The following CC2D2A variants were observed in gnomAD, a reference collection of about 807,000 sequenced individuals.
CC2D2A encodes the protein coiled-coil and C2 domain-containing protein 2A.
A neutral mutation model predicts 212.9 loss-of-function variants in CC2D2A; 155 were observed. The observed-to-expected ratio is 0.73, with a 90% confidence interval of 0.64 to 0.83. The LOEUF (loss-of-function observed/expected upper bound fraction) is 0.83. CC2D2A is among the 40% of genes least tolerant of loss of function. The pLI is 0.00. For missense variants in CC2D2A, 1,856 were observed against 1,956.2 expected, an observed-to-expected ratio of 0.95 and a Z score of 0.97; for synonymous variants, 667 against 686.5, an observed-to-expected ratio of 0.97 and a Z score of 0.44.
intron 13 of CC2D2A, among the ~76,000 whole-genome samples, chr4:15,529,855 TAG>T (rs1209208851): frequency 2.7e-5 from 4 of 149,290 alleles, no homozygotes; most frequent in African/African-American, 9.7e-5. Context: ...TTTATTTATT[TAG>T]GTCTTTTTAT....
chr4:15,576,116 C>T (rs1418139286), intron 29 of CC2D2A, among the ~76,000 whole-genome samples: 1 of 152,198 alleles, frequency 6.6e-6, no homozygotes, highest in African/African-American at 2.4e-5. Context: ...GTCACTACCG[C>T]ACTGTGGCTG....
intron 11 of CC2D2A, among the ~76,000 whole-genome samples, chr4:15,521,191 A>G (rs559656832): frequency 6.6e-6 from 1 of 152,320 alleles, no homozygotes; most frequent in Admixed American, 6.5e-5. Flanking sequence ...AATGTCTTAG[A>G]CTGCACAAGA....
At chr4:15,574,027 G>C in intron 28 of CC2D2A, 123 bp from the exon 29 acceptor site, 1 of 711,338 alleles carries the variant, frequency 1.4e-6, no homozygotes, top group Non-Finnish European at 2.3e-6. Context: ...GATGGGATTG[G>C]CTTTGAATGC....
At chr4:15,549,511 A>G (rs2109048487) in intron 17 of CC2D2A, among the ~76,000 whole-genome samples, 1 of 152,298 alleles carries the variant, frequency 6.6e-6, no homozygotes, top group Admixed American at 6.5e-5. Context: ...TCACCACTTC[A>G]TCCTCACTCC....
At chr4:15,533,136 C>A (rs1255562864) in intron 13 of CC2D2A, 57 bp from the exon 14 acceptor site, 8 of 1,440,920 alleles carry the variant, frequency 5.6e-6, no homozygotes, top group Non-Finnish European at 7.5e-6. Context: ...TTATTAATTT[C>A]TTTTGCAAAC....
At chr4:15,518,483 A>G (rs1717011607) in intron 11 of CC2D2A, among the ~76,000 whole-genome samples, 1 of 152,146 alleles carries the variant, frequency 6.6e-6, no homozygotes, top group African/African-American at 2.4e-5. Flanking sequence ...TGGATCTACT[A>G]TTCTGGGGTC....
chr4:15,594,716 T>C (rs1657820185), intron 33 of CC2D2A, among the ~76,000 whole-genome samples: 1 of 152,162 alleles, frequency 6.6e-6, no homozygotes, highest in Non-Finnish European at 1.5e-5. Context: ...AGGGTATGCA[T>C]ATAGAAAGGA....
At chr4:15,552,824 C>T (rs1259417440) in intron 18 of CC2D2A, among the ~76,000 whole-genome samples, 2 of 152,190 alleles carry the variant, frequency 1.3e-5, no homozygotes, top group African/African-American at 4.8e-5. Flanking sequence ...AATAACTCTG[C>T]AAAGAAGGTG....
At chr4:15,515,771 AC>A (rs1711669345) in intron 9 of CC2D2A, 96 bp from the exon 10 acceptor site, 1 of 1,240,286 alleles carries the variant, frequency 8.1e-7, no homozygotes, top group South Asian at 1.6e-5. Context: ...TTTTCTAAGA[AC>A]ATAAATGAAA....
chr4:15,478,931 C>T, intron 3 of CC2D2A, 125 bp downstream of exon 3: 1 of 798,576 alleles, frequency 1.3e-6, no homozygotes, highest in Non-Finnish European at 2.1e-6. Flanking sequence ...TTGGCCTGCT[C>T]TGGGGGGCTG....
chr4:15,553,385 T>C (rs1719106687), intron 19 of CC2D2A, 80 bp downstream of exon 19: 3 of 1,435,356 alleles, frequency 2.1e-6, no homozygotes. Context: ...AAGCTTGCAG[T>C]ATCATATTCT....
intron 17 of CC2D2A, among the ~76,000 whole-genome samples, chr4:15,549,911 G>C (rs1035428818): frequency 7.2e-5 from 11 of 152,108 alleles, no homozygotes. Context: ...TAACTAGTGG[G>C]GGACTATTAC....
At chr4:15,507,972 C>T (rs1716355076) in intron 6 of CC2D2A, among the ~76,000 whole-genome samples, 1 of 152,172 alleles carries the variant, frequency 6.6e-6, no homozygotes, top group Non-Finnish European at 1.5e-5. Context: ...AGAGAACAAC[C>T]TCATCCTGTG....
At chr4:15,503,147 A>G (rs1716061452) in intron 6 of CC2D2A, among the ~76,000 whole-genome samples, 2 of 151,914 alleles carry the variant, frequency 1.3e-5, no homozygotes, top group African/African-American at 4.8e-5. Context: ...AAATAAAAAT[A>G]AAAAATTTAA....
intron 33 of CC2D2A, among the ~76,000 whole-genome samples, chr4:15,595,349 C>G (rs1227046521): frequency 2.6e-5 from 4 of 152,114 alleles, no homozygotes; most frequent in Admixed American, 2.6e-4. Flanking sequence ...GTCCTCAGGA[C>G]AAAAGTCTAA....
intron 2 of CC2D2A, among the ~76,000 whole-genome samples, chr4:15,476,409 T>C (rs1166310754): frequency 6.6e-6 from 1 of 152,228 alleles, no homozygotes; most frequent in African/African-American, 2.4e-5. Flanking sequence ...AAGATTGCAG[T>C]TTGTTATGTA....
intron 18 of CC2D2A, among the ~76,000 whole-genome samples, chr4:15,552,602 GTATTTCTCT>G (rs1315662188): frequency 1.3e-5 from 2 of 152,018 alleles, no homozygotes; most frequent in Admixed American, 6.5e-5. Context: ...AACATACTAA[GTATTTCTCT>G]TATTTCTCTT....
chr4:15,486,894 C>A (rs541636509), intron 4 of CC2D2A, among the ~76,000 whole-genome samples: 1 of 151,796 alleles, frequency 6.6e-6, no homozygotes, highest in South Asian at 2.1e-4. Context: ...TTTAATTCAT[C>A]ATTGACCCAA....
At chr4:15,570,967 A>G (rs774992306) in intron 28 of CC2D2A, among the ~76,000 whole-genome samples, 6 of 152,238 alleles carry the variant, frequency 3.9e-5, no homozygotes, top group Non-Finnish European at 5.9e-5. Context: ...ATATATGCAA[A>G]GCCCATAGAA....
Sources: gnomAD v4.1 joint callset for allele counts (sites outside exome capture counted in the v4.1 genomes callset) on GRCh38, gnomAD v4.1.1 for gene constraint, MANE v1.5 for transcripts, NCBI Gene and HGNC (gene_info 2026-07-23, HGNC 2026-07-21) for gene names.